DMD: variants seen among roughly 807,000 people sequenced by gnomAD.
The protein encoded by DMD is mutant dystrophin.
A neutral mutation model predicts 330.1 loss-of-function variants in DMD; 63 were observed. That is an observed-to-expected ratio of 0.19 (90% CI 0.16 to 0.24). DMD has a LOEUF of 0.24. Among genes scored for constraint, DMD ranks in the 10% least tolerant of loss-of-function variants. The pLI is 1.00. For synonymous variants in DMD, 1,223 were observed against 959.8 expected (o/e 1.27, Z -5.07); for missense variants, 3,344 against 2,684.1 (o/e 1.25, Z -5.43).
Position 31,238,706 on chromosome X carries a change from C to T in DMD, c.9287-15585G>A, listed in dbSNP as rs771406628. ...ACTCAAAGCCTCTGATGGCCTTCCC[C>T]GCTTCTCCGCTACAGAACAAATGTC... On this transcript the variant is annotated intron_variant, in intron 63 of 78. Coordinates refer to ENST00000357033, the MANE Select transcript of DMD (RefSeq NM_004006.3). Among the ~76,000 whole-genome samples the T allele has an allele frequency of 1.2e-4, 14 of 112,165 alleles. No homozygotes were observed. The South Asian group carries it at 2.6e-3, about 21-fold the overall frequency.
At chrX:31,529,612 C>G (rs775683124) in intron 55 of DMD, among the ~76,000 whole-genome samples, 4 of 111,259 alleles carry the variant, frequency 3.6e-5, no homozygotes, top group African/African-American at 1.3e-4. Context: ...CTGGGGTTCA[C>G]TGCACGCAGT....
At chrX:33,041,614 G>A (rs2094303450) in intron 1 of DMD, 12 of 1,208,798 alleles carry the variant, frequency 9.9e-6, no homozygotes, top group East Asian at 3.0e-5. Flanking sequence ...GTTGGAAGCC[G>A]CATATTTGGA....
intron 1 of DMD, among the ~76,000 whole-genome samples, chrX:33,072,311 G>A (rs930378755): frequency 9.0e-6 from 1 of 111,415 alleles, no homozygotes; most frequent in Non-Finnish European, 1.9e-5. Flanking sequence ...CTAGCTACTC[G>A]GGAGGCTGAG....
chrX:31,242,698 A>ATATGTG, intron 63 of DMD, among the ~76,000 whole-genome samples: 1 of 66,990 alleles, frequency 1.5e-5, no homozygotes, highest in East Asian at 4.7e-4. Flanking sequence ...CAACAATAAG[A>ATATGTG]TATGTGTGTG....
intron 1 of DMD, among the ~76,000 whole-genome samples, chrX:33,338,248 A>G (rs1339848979): frequency 9.0e-6 from 1 of 111,071 alleles, no homozygotes; most frequent in Non-Finnish European, 1.9e-5. Flanking sequence ...GAAACGATGC[A>G]TAGTTTATAC....
intron 43 of DMD, among the ~76,000 whole-genome samples, chrX:32,273,281 T>C (rs903236133): frequency 2.0e-4 from 21 of 107,196 alleles, no homozygotes; most frequent in South Asian, 1.2e-3. Flanking sequence ...GCTCCTTAAA[T>C]AAAACAAAAC....
intron 1 of DMD, among the ~76,000 whole-genome samples, chrX:33,124,023 T>C (rs1273489051): frequency 9.3e-6 from 1 of 107,907 alleles, no homozygotes; most frequent in Non-Finnish European, 1.9e-5. Flanking sequence ...AAAAATTAGC[T>C]GGGCGTAGTG....
chrX:32,480,879 C>A (rs2041821376), intron 21 of DMD, among the ~76,000 whole-genome samples: 1 of 110,532 alleles, frequency 9.0e-6, no homozygotes, highest in South Asian at 3.8e-4. Context: ...AAACAGTTTA[C>A]CTAGTTTCTG....
In DMD at chrX:32,554,486, C is replaced by T. The variant is rs185085745; in HGVS notation, c.1993-9152G>A. ...AACAACCATCAGGGAATACTATAAA[C>T]ACCTCTATGCACATAAACTAGAAAA... On this transcript the variant is annotated intron_variant, in intron 16 of 78. Transcript: ENST00000357033. Among the ~76,000 whole-genome samples, 268 of 110,987 alleles carry T rather than the reference C, an allele frequency of 2.4e-3. 1 individual carries two copies. The highest frequency in any genetic ancestry group is 5.2e-3 in the African/African-American group (159 of 30,609).
At chrX:31,295,540 A>G (rs1319165566) in intron 62 of DMD, among the ~76,000 whole-genome samples, 1 of 110,984 alleles carries the variant, frequency 9.0e-6, no homozygotes, top group Non-Finnish European at 1.9e-5. Flanking sequence ...CAGCCTCCCA[A>G]GTAGCTGGGA....
At chrX:31,890,529 G>A (rs2149758435) in intron 47 of DMD, among the ~76,000 whole-genome samples, 1 of 110,988 alleles carries the variant, frequency 9.0e-6, no homozygotes, top group East Asian at 2.8e-4. Flanking sequence ...ATTAGACAGG[G>A]CAGAGAAAGA....
intron 49 of DMD, among the ~76,000 whole-genome samples, chrX:31,829,192 G>A (rs190092924): frequency 3.3e-4 from 37 of 111,174 alleles, no homozygotes; most frequent in Non-Finnish European, 6.4e-4. Context: ...AAAGACATAC[G>A]GAGTGATACA....
intron 1 of DMD, among the ~76,000 whole-genome samples, chrX:33,030,922 G>C (rs924708054): frequency 3.6e-5 from 4 of 111,788 alleles, no homozygotes; most frequent in African/African-American, 1.3e-4. Flanking sequence ...CTGTTAATGA[G>C]ATGCTTTAGA....
intron 44 of DMD, among the ~76,000 whole-genome samples, chrX:32,024,962 A>G (rs938141208): frequency 1.8e-5 from 2 of 111,668 alleles, no homozygotes; most frequent in African/African-American, 6.5e-5. Context: ...TTTCTTCTTC[A>G]ATAAATGCAA....
At chrX:32,414,773 G>A (rs886116215) in intron 29 of DMD, among the ~76,000 whole-genome samples, 8 of 112,189 alleles carry the variant, frequency 7.1e-5, no homozygotes, top group Non-Finnish European at 1.3e-4. Flanking sequence ...AAAAGTGTCA[G>A]AATGGGGGTG....
chrX:32,815,859 T>C (rs1175925183), intron 6 of DMD, among the ~76,000 whole-genome samples: 1 of 111,089 alleles, frequency 9.0e-6, no homozygotes, highest in East Asian at 2.8e-4. Flanking sequence ...ATTGTTTCTG[T>C]TGGTATTCAA....
intron 51 of DMD, among the ~76,000 whole-genome samples, chrX:31,769,631 T>G (rs1015321630): frequency 1.8e-5 from 2 of 111,791 alleles, no homozygotes; most frequent in African/African-American, 6.5e-5. Context: ...GTATCTCATG[T>G]TTTAAGAAAG....
intron 1 of DMD, among the ~76,000 whole-genome samples, chrX:33,063,117 A>G (rs2094602435): frequency 8.9e-6 from 1 of 112,052 alleles, no homozygotes; most frequent in South Asian, 3.7e-4. Flanking sequence ...ATACATATAC[A>G]TTAATAAAAA....
At chrX:32,464,363 C>A (rs889001875) in intron 24 of DMD, among the ~76,000 whole-genome samples, 1 of 110,208 alleles carries the variant, frequency 9.1e-6, no homozygotes, top group African/African-American at 3.3e-5. Context: ...GTTCTATGGA[C>A]TGTACGATAT....
Sources: gnomAD v4.1 joint callset for allele counts (sites outside exome capture counted in the v4.1 genomes callset) on GRCh38, gnomAD v4.1.1 for gene constraint, MANE v1.5 for transcripts, NCBI Gene and HGNC (gene_info 2026-07-23, HGNC 2026-07-21) for gene names.